The following KIAA1549L variants were observed in gnomAD, a reference collection of about 807,000 sequenced individuals.
KIAA1549L encodes the protein UPF0606 protein KIAA1549L.
A neutral mutation model predicts 160.7 loss-of-function variants in KIAA1549L; 88 were observed. That is an observed-to-expected ratio of 0.55 (90% CI 0.46 to 0.65). The LOEUF is 0.65. Ranked by LOEUF, KIAA1549L falls within the 30% of genes least tolerant of loss-of-function variation. The probability of loss-of-function intolerance (pLI) is 0.00; values close to 1 mark genes in which losing one functional copy is unlikely to be tolerated. For synonymous variants in KIAA1549L, 950 were observed against 976.7 expected (o/e 0.97, Z 0.51); for missense variants, 2,258 against 2,437.5 (o/e 0.93, Z 1.55).
chr11:33,452,336 G>A (rs1291977523), intron 1 of KIAA1549L, among the ~76,000 whole-genome samples: 1 of 152,212 alleles, frequency 6.6e-6, no homozygotes, highest in African/African-American at 2.4e-5. Flanking sequence ...GGCCAGGCAT[G>A]GTGGCTCACA....
intron 1 of KIAA1549L, among the ~76,000 whole-genome samples, chr11:33,389,634 G>A (rs956202702): frequency 2.0e-5 from 3 of 152,128 alleles, no homozygotes; most frequent in Admixed American, 1.3e-4. Context: ...CAGTTGGATG[G>A]GGAATATTTC....
intron 1 of KIAA1549L, among the ~76,000 whole-genome samples, chr11:33,382,480 A>G (rs1381733436): frequency 6.6e-6 from 1 of 152,100 alleles, no homozygotes; most frequent in Non-Finnish European, 1.5e-5. Flanking sequence ...ACATAAGACA[A>G]TTCTTATGAA....
intron 1 of KIAA1549L, among the ~76,000 whole-genome samples, chr11:33,380,431 A>T (rs1850051376): frequency 6.6e-6 from 1 of 152,188 alleles, no homozygotes; most frequent in Non-Finnish European, 1.5e-5. Context: ...GGTTTTGCTG[A>T]TACCAAAGAA....
chr11:33,605,376 C>T (rs1850475257), intron 13 of KIAA1549L, among the ~76,000 whole-genome samples: 1 of 151,946 alleles, frequency 6.6e-6, no homozygotes, highest in African/African-American at 2.4e-5. Context: ...ATAATGGTGG[C>T]CAGGCCAGAG....
chr11:33,400,184 A>G (rs966749631), intron 1 of KIAA1549L, among the ~76,000 whole-genome samples: 2 of 152,342 alleles, frequency 1.3e-5, no homozygotes, highest in South Asian at 2.1e-4. Flanking sequence ...AACCCATCAC[A>G]TATTTACAAA....
chr11:33,502,980 A>C (rs1852986697), intron 1 of KIAA1549L, among the ~76,000 whole-genome samples: 1 of 152,226 alleles, frequency 6.6e-6, no homozygotes, highest in African/African-American at 2.4e-5. Flanking sequence ...ATGAAGTATA[A>C]CATACGTAAT....
At chr11:33,435,796 A>ATATGTGTGTGTGTGTGTG (rs1565135857) in intron 1 of KIAA1549L, among the ~76,000 whole-genome samples, 15 of 34,662 alleles carry the variant, frequency 4.3e-4, no homozygotes, top group Non-Finnish European at 6.3e-4. Flanking sequence ...ATATATATAT[A>ATATGTGTGTGTGTGTGTG]TATATATATA....
At chr11:33,520,887 G>A (rs1228844815) in intron 1 of KIAA1549L, among the ~76,000 whole-genome samples, 1 of 152,104 alleles carries the variant, frequency 6.6e-6, no homozygotes. Flanking sequence ...TCTCAGCCTG[G>A]TGCAGTGGCT....
At chr11:33,516,071 A>G (rs1853337852) in intron 1 of KIAA1549L, among the ~76,000 whole-genome samples, 2 of 152,050 alleles carry the variant, frequency 1.3e-5, no homozygotes, top group East Asian at 1.9e-4. Flanking sequence ...TTCCCTGCCA[A>G]TCCAGGACTG....
intron 1 of KIAA1549L, among the ~76,000 whole-genome samples, chr11:33,402,418 T>C (rs1375342666): frequency 6.6e-6 from 1 of 152,190 alleles, no homozygotes; most frequent in Admixed American, 6.5e-5. Context: ...TCTGGATGAT[T>C]TCTGTAGCCT....
intron 16 of KIAA1549L, among the ~76,000 whole-genome samples, chr11:33,641,151 C>T (rs553322000): frequency 6.6e-6 from 1 of 152,218 alleles, no homozygotes; most frequent in African/African-American, 2.4e-5. Context: ...AGGAAACCCA[C>T]GTGGAAAAGC....
chr11:33,625,350 G>A (rs1738396273), intron 16 of KIAA1549L, among the ~76,000 whole-genome samples: 1 of 152,100 alleles, frequency 6.6e-6, no homozygotes, highest in South Asian at 2.1e-4. Context: ...TTCCACAATG[G>A]TTGAACTAGT....
intron 17 of KIAA1549L, among the ~76,000 whole-genome samples, chr11:33,646,725 C>T (rs1851734493): frequency 6.6e-6 from 1 of 152,208 alleles, no homozygotes; most frequent in African/African-American, 2.4e-5. Context: ...CAGGCTTGGA[C>T]TGGTACCACA....
chr11:33,544,071 G>A lies in KIAA1549L; in HGVS notation c.2508G>A (p.Leu836=), dbSNP rs1040844791. The A allele has an allele frequency of 5.0e-6, 8 of 1,613,858 alleles. No homozygotes were observed. Among genetic ancestry groups the A allele is most frequent in the South Asian group, 1.1e-5 (1 of 91,088 alleles). Residue 836 remains leucine, a synonymous_variant, in exon 2 of 21, where the codon TTG becomes TTA. Coordinates refer to ENST00000658780, the MANE Select transcript of KIAA1549L (RefSeq NM_012194.3). ...RHSVSHPQLQ[L]PNQPAHPLLL... ...CCGTGTCTCATCCTCAGCTACAGTT[G>A]CCCAACCAGCCAGCACATCCTCTTT...
intron 17 of KIAA1549L, among the ~76,000 whole-genome samples, chr11:33,654,466 G>A (rs946814013): frequency 2.6e-5 from 4 of 152,158 alleles, no homozygotes; most frequent in Non-Finnish European, 5.9e-5. Context: ...CTAATCCTGA[G>A]AGACTGCTTT....
intron 5 of KIAA1549L, 32 bp downstream of exon 5, chr11:33,551,291 C>G (rs1246009810): frequency 6.3e-7 from 1 of 1,584,206 alleles, no homozygotes; most frequent in South Asian, 1.1e-5. Flanking sequence ...GATTTTCATC[C>G]ATTCTTGGGT....
At chr11:33,517,382 A>G (rs1182103651) in intron 1 of KIAA1549L, among the ~76,000 whole-genome samples, 1 of 152,212 alleles carries the variant, frequency 6.6e-6, no homozygotes, top group Non-Finnish European at 1.5e-5. Context: ...GACTAATGCA[A>G]ACATAAAGAT....
Position 33,543,096 on chromosome 11 carries a change from A to G in KIAA1549L, c.1533A>G (p.Thr511=). ...CCATACTTACTTTCCTCCAGCCCAC[A>G]GAGAATCATGCCTCCCCATCTCCTG... ...FPSILTFLQP[T]ENHASPSPVP... The change falls in exon 2 of 21, where the codon ACA becomes ACG. Residue 511 remains threonine (T), a synonymous_variant. Transcript: ENST00000658780. The G allele has an allele frequency of 6.2e-7, 1 of 1,613,926 alleles. No homozygotes were observed.
At chr11:33,529,420 A>G (rs1853687880) in intron 1 of KIAA1549L, among the ~76,000 whole-genome samples, 1 of 152,238 alleles carries the variant, frequency 6.6e-6, no homozygotes, top group African/African-American at 2.4e-5. Context: ...CTGGATGGCA[A>G]TCATGATAAC....
Sources: allele counts gnomAD v4.1 joint callset (sites outside exome capture counted in the v4.1 genomes callset), GRCh38; gene constraint gnomAD v4.1.1; transcripts MANE v1.5; gene names NCBI Gene and HGNC (gene_info 2026-07-23, HGNC 2026-07-21).